The following ABCC8 variants were observed in gnomAD, a reference collection of about 807,000 sequenced individuals.
The protein encoded by ABCC8 is ATP binding cassette subfamily C member 8, also known as ATP-binding cassette sub-family C member 8.
In ABCC8, 137 loss-of-function variants were observed where a neutral mutation model predicts 188.0. That is an observed-to-expected ratio of 0.73 (90% CI 0.63 to 0.84). The LOEUF is 0.84. Ranked by LOEUF, ABCC8 falls within the 40% of genes least tolerant of loss-of-function variation. ABCC8 has a pLI of 0.00. For missense variants in ABCC8, 1,750 were observed against 2,072.7 expected (o/e 0.84, Z 3.02); for synonymous variants, 797 against 846.5 (o/e 0.94, Z 1.01).
intron 10 of ABCC8, among the ~76,000 whole-genome samples, chr11:17,437,252 C>T (rs1175730242): frequency 6.6e-6 from 1 of 152,082 alleles, no homozygotes; most frequent in Non-Finnish European, 1.5e-5. Flanking sequence ...ACGAAACAAA[C>T]AAAACAACAA....
In ABCC8 at chr11:17,461,599, G is replaced by A. The variant is rs372930264; in HGVS notation, c.806C>T (p.Ala269Val). 5 of 1,614,098 alleles carry A rather than the reference G, an allele frequency of 3.1e-6. No individual in the cohort carries two copies. Among genetic ancestry groups the A allele is most frequent in the South Asian group, 1.1e-5 (1 of 91,086 alleles). The change falls in exon 5 of 39, where the codon GCC becomes GTC. Residue 269 changes from alanine (A) to valine (V), a missense_variant. Physicochemically the swap from Ala to Val is moderately conservative, Grantham distance 64. Transcript: ENST00000389817. ...ALTNYQRLCE[A>V]FDAQVRKDIQ... ...CCCACTGACCACCTGGGCGTCAAAG[G>A]CCTCGCAGAGCCGTTGGTAGTTGGT...
chr11:17,436,496 C>T (rs899610647), intron 10 of ABCC8, among the ~76,000 whole-genome samples: 3 of 152,168 alleles, frequency 2.0e-5, no homozygotes, highest in African/African-American at 7.2e-5. Context: ...GAATAGATTT[C>T]TGTCCAACTC....
intron 2 of ABCC8, among the ~76,000 whole-genome samples, chr11:17,471,028 C>T (rs1848449519): frequency 6.6e-6 from 1 of 152,254 alleles, no homozygotes; most frequent in South Asian, 2.1e-4. Flanking sequence ...GGCTATGTGG[C>T]CTCCAGCCAC....
intron 6 of ABCC8, among the ~76,000 whole-genome samples, chr11:17,457,467 T>A (rs892245013): frequency 6.6e-6 from 1 of 152,226 alleles, no homozygotes; most frequent in Non-Finnish European, 1.5e-5. Flanking sequence ...TGTTCCTTCT[T>A]CCTTTGGCTC....
In ABCC8 at chr11:17,428,317, T is replaced by G; in HGVS notation, c.2012A>C (p.Asp671Ala). The G allele has an allele frequency of 6.2e-7, 1 of 1,614,156 alleles. No homozygotes were observed. Among genetic ancestry groups the G allele is most frequent in the Non-Finnish European group, 8.5e-7 (1 of 1,180,030 alleles). The change falls in exon 14 of 39, where the codon GAT becomes GCT. Residue 671 changes from aspartate (D) to alanine (A), a missense_variant. Asp to Ala is a moderately radical substitution (Grantham distance 126). Coordinates refer to ENST00000389817, the MANE Select transcript of ABCC8 (RefSeq NM_000352.6). ...GACACAGCAGTTGTCAGCATCGCCATCTGCACTGGGGACCAGGCTCTGCAG... is the reference window on the plus strand; with the variant it reads ...GACACAGCAGTTGTCAGCATCGCCAGCTGCACTGGGGACCAGGCTCTGCAG... ...GPLQSLVPSADGDADNCCVQI... is the reference protein window; with the variant it reads ...GPLQSLVPSAAGDADNCCVQI...
rs765179969 is a variant in ABCC8, at chr11:17,428,341, A to T, written c.1988T>A (p.Leu663Gln). The T allele has an allele frequency of 3.1e-6, 5 of 1,614,188 alleles. No individual in the cohort carries two copies. The Admixed American group carries it at 8.3e-5, about 27-fold the overall frequency. ...REDCRGLTGP[L>Q]QSLVPSADGD... ...ATCTGCACTGGGGACCAGGCTCTGC[A>T]GTGGGCCGGTGAGGCCCCGACAATC... The change falls in exon 14 of 39, where the codon CTG (leucine) becomes CAG (glutamine). Residue 663 changes from leucine (L) to glutamine (Q), a missense_variant. Leu to Gln is a moderately radical substitution (Grantham distance 113). Transcript: ENST00000389817.
In ABCC8 at chr11:17,461,609, G is replaced by A. The variant is rs989339141; in HGVS notation, c.796C>T (p.Leu266Phe). Residue 266 changes from leucine to phenylalanine, a missense_variant, in exon 5 of 39, where the codon CTC becomes TTC. Leu to Phe is a conservative substitution (Grantham distance 22). Coordinates refer to ENST00000389817, the MANE Select transcript of ABCC8 (RefSeq NM_000352.6). ...ACCTGGGCGTCAAAGGCCTCGCAGAGCCGTTGGTAGTTGGTGAGGGCCCTC... is the reference window on the plus strand; with the variant it reads ...ACCTGGGCGTCAAAGGCCTCGCAGAACCGTTGGTAGTTGGTGAGGGCCCTC... ...AMRALTNYQR[L>F]CEAFDAQVRK... 9.3e-6 allele frequency: 15 copies of A among 1,614,138 alleles called. No individual in the cohort carries two copies. The highest frequency in any genetic ancestry group is 6.7e-5 in the African/African-American group (5 of 74,944).
chr11:17,418,431 C>T (rs999748774), intron 16 of ABCC8, among the ~76,000 whole-genome samples: 11 of 152,166 alleles, frequency 7.2e-5, no homozygotes, highest in Admixed American at 2.0e-4. Flanking sequence ...CTCTAATCTT[C>T]GTGGTCTCAT....
chr11:17,407,418 G>T lies in ABCC8; in HGVS notation c.2856C>A (p.Pro952=), dbSNP rs1284352811. The change falls in exon 24 of 39, where the codon CCC becomes CCA. Residue 952 remains proline (P), a synonymous_variant. Transcript: ENST00000389817. The part of the protein sequence containing the change: ...TVTERKATEP[P]QGLSRAMSSR... Reference sequence around the variant, plus strand: ...AGGACATGGCACGAGATAGGCCCTGGGGTGGCTCTGTGGCTTTTCTCTCTG... The same window carrying T: ...AGGACATGGCACGAGATAGGCCCTGTGGTGGCTCTGTGGCTTTTCTCTCTG... 11 of 1,614,150 alleles carry T rather than the reference G, an allele frequency of 6.8e-6. No individual in the cohort carries two copies. The highest frequency in any genetic ancestry group is 9.3e-6 in the Non-Finnish European group (11 of 1,180,036).
At chr11:17,402,309 G>A (rs978098517) in intron 29 of ABCC8, among the ~76,000 whole-genome samples, 24 of 152,268 alleles carry the variant, frequency 1.6e-4, no homozygotes, top group African/African-American at 5.5e-4. Flanking sequence ...ATAGTGTTTG[G>A]CACACAGGGG....
chr11:17,429,093 G>A (rs757303816), intron 12 of ABCC8: 8 of 203,548 alleles, frequency 3.9e-5, no homozygotes, highest in Non-Finnish European at 6.0e-5. Context: ...TTATGTAATC[G>A]GATCCCCATA....
At chr11:17,417,069 C>A in intron 16 of ABCC8, 107 bp from the exon 17 acceptor site, 1 of 1,574,054 alleles carries the variant, frequency 6.4e-7, no homozygotes, top group East Asian at 2.4e-5. Context: ...CCAACCCTCC[C>A]ACCCATTCCC....
At chr11:17,410,762 T>A in intron 21 of ABCC8, 109 bp from the exon 22 acceptor site, 1 of 1,522,060 alleles carries the variant, frequency 6.6e-7, no homozygotes, top group Non-Finnish European at 9.0e-7. Context: ...CTCTAGGGAC[T>A]GAAGCTAGTT....
intron 7 of ABCC8, among the ~76,000 whole-genome samples, chr11:17,450,278 CTTTCTT>C: frequency 7.6e-6 from 1 of 132,140 alleles, no homozygotes; most frequent in Non-Finnish European, 1.5e-5. Flanking sequence ...TTCTTTCTTT[CTTTCTT>C]TCTTTCTTTC....
At chr11:17,403,959 G>T (rs1954376025) in intron 28 of ABCC8, among the ~76,000 whole-genome samples, 2 of 152,130 alleles carry the variant, frequency 1.3e-5, no homozygotes, top group Admixed American at 6.6e-5. Context: ...CTCCCAGAAA[G>T]AACTCCCTAG....
chr11:17,441,157 G>T (rs1304482485), intron 10 of ABCC8, among the ~76,000 whole-genome samples: 1 of 151,796 alleles, frequency 6.6e-6, no homozygotes, highest in African/African-American at 2.4e-5. Flanking sequence ...TCCTTTCAGA[G>T]CCCAGAGATT....
intron 2 of ABCC8, among the ~76,000 whole-genome samples, chr11:17,473,688 A>C (rs1274256616): frequency 4.6e-5 from 7 of 152,124 alleles, no homozygotes; most frequent in Non-Finnish European, 2.9e-5. Context: ...CTGACTGCTG[A>C]CACACCATTT....
chr11:17,449,245 C>G (rs1956664683), intron 7 of ABCC8, among the ~76,000 whole-genome samples: 1 of 152,156 alleles, frequency 6.6e-6, no homozygotes, highest in South Asian at 2.1e-4. Flanking sequence ...TTTTTTAAAG[C>G]AGATCTTCAT....
intron 8 of ABCC8, among the ~76,000 whole-genome samples, chr11:17,446,933 C>T (rs1956556352): frequency 6.6e-6 from 1 of 152,170 alleles, no homozygotes; most frequent in South Asian, 2.1e-4. Context: ...TTGGTAACAC[C>T]TCACTCATAC....
Sources: gnomAD v4.1 joint callset for allele counts (sites outside exome capture counted in the v4.1 genomes callset) on GRCh38, gnomAD v4.1.1 for gene constraint, MANE v1.5 for transcripts, NCBI Gene and HGNC (gene_info 2026-07-23, HGNC 2026-07-21) for gene names.